Variants in RBM6 observed in about 807,000 individuals in gnomAD.
The protein encoded by RBM6 is RNA binding motif protein 6.
RBM6 carries 23 observed loss-of-function variants against 140.4 expected under a neutral mutation model. That is an observed-to-expected ratio of 0.16 (90% CI 0.12 to 0.23). RBM6 has a LOEUF of 0.23. RBM6 is among the 10% of genes least tolerant of loss of function. The pLI, the probability that RBM6 is intolerant of heterozygous loss-of-function variation, is 1.00. For synonymous variants in RBM6, 439 were observed against 475.6 expected, an observed-to-expected ratio of 0.92 and a Z score of 1.00; for missense variants, 1,139 against 1,386.7, an observed-to-expected ratio of 0.82 and a Z score of 2.84.
At chr3:49,949,113 G>A (rs1397835135) in intron 1 of RBM6, among the ~76,000 whole-genome samples, 2 of 151,640 alleles carry the variant, frequency 1.3e-5, no homozygotes, top group East Asian at 3.9e-4. Context: ...ACAGGTGTGA[G>A]CCACCACGCC....
intron 1 of RBM6, among the ~76,000 whole-genome samples, chr3:49,958,992 A>G (rs932763342): frequency 7.9e-5 from 12 of 151,718 alleles, no homozygotes; most frequent in Admixed American, 7.9e-4. Flanking sequence ...GACGGGTTTC[A>G]CCATCTTGGC....
Position 50,066,501 on chromosome 3 carries a change from A to G in RBM6, c.2942A>G (p.Lys981Arg). 6.2e-7 allele frequency: 1 copy of G among 1,612,940 alleles called. No individual in the cohort carries two copies. ...IKHQQLSDLH[K>R]QNLEIHRKIK... ...CACCAGCAGCTGTCAGACCTGCACAAGGTATTAGGGGAAGGAGCTATGCCC... is the reference window on the plus strand; with the variant it reads ...CACCAGCAGCTGTCAGACCTGCACAGGGTATTAGGGGAAGGAGCTATGCCC... Residue 981 changes from lysine to arginine, a missense_variant and splice_region_variant, in exon 17 of 21, where the codon AAG becomes AGG. Transcript: ENST00000266022.
At chr3:49,969,255 C>T (rs982460529) in intron 3 of RBM6, among the ~76,000 whole-genome samples, 1 of 149,698 alleles carries the variant, frequency 6.7e-6, no homozygotes, top group East Asian at 2.0e-4. Flanking sequence ...GAACTCCTGA[C>T]CTCGTGATCC....
At chr3:49,992,945 T>C (rs1329616414) in intron 5 of RBM6, among the ~76,000 whole-genome samples, 5 of 152,228 alleles carry the variant, frequency 3.3e-5, no homozygotes, top group African/African-American at 1.2e-4. Flanking sequence ...GATTGTTGCT[T>C]TGCAGATTGA....
chr3:49,941,351 C>A (rs1297873189), intron 1 of RBM6, among the ~76,000 whole-genome samples: 1 of 152,066 alleles, frequency 6.6e-6, no homozygotes, highest in African/African-American at 2.4e-5. Flanking sequence ...AGTTGTAGCA[C>A]CTTTCCTTAT....
intron 19 of RBM6, 53 bp from the exon 20 acceptor site, chr3:50,075,148 C>T: frequency 6.3e-7 from 1 of 1,589,470 alleles, no homozygotes. Flanking sequence ...AAGAGTGAAA[C>T]TCCGTCTCAA....
chr3:50,021,469 G>A (rs1331410345), intron 6 of RBM6, among the ~76,000 whole-genome samples: 1 of 151,858 alleles, frequency 6.6e-6, no homozygotes, highest in Non-Finnish European at 1.5e-5. Context: ...TTGAAACCCC[G>A]TCTCTACTAA....
At chr3:50,063,570 A>T (rs565519013) in intron 15 of RBM6, among the ~76,000 whole-genome samples, 1 of 151,044 alleles carries the variant, frequency 6.6e-6, no homozygotes, top group East Asian at 2.0e-4. Context: ...GCACTCCAGC[A>T]TGGACAACAG....
chr3:50,011,988 A>G (rs1026574754), intron 6 of RBM6, among the ~76,000 whole-genome samples: 2 of 152,060 alleles, frequency 1.3e-5, no homozygotes, highest in African/African-American at 4.8e-5. Flanking sequence ...AGTAGCTGGA[A>G]CTATAAGTTG....
At chr3:50,032,157 G>T (rs900460923) in intron 6 of RBM6, among the ~76,000 whole-genome samples, 3 of 152,108 alleles carry the variant, frequency 2.0e-5, no homozygotes, top group Non-Finnish European at 4.4e-5. Context: ...GGTAAAGAGA[G>T]CAGATAGGCA....
chr3:50,070,086 G>T (rs1335135854), intron 18 of RBM6, among the ~76,000 whole-genome samples: 1 of 152,200 alleles, frequency 6.6e-6, no homozygotes, highest in Non-Finnish European at 1.5e-5. Context: ...GCCGGGTGCG[G>T]TGGCTCACAC....
Position 50,066,248 on chromosome 3 carries a change from G to A in RBM6, c.2689G>A (p.Val897Met). The change falls in exon 17 of 21, where the codon GTG becomes ATG. Residue 897 changes from valine (V) to methionine (M), a missense_variant. This residue lies in a region of RBM6 where 163 missense variants were observed against 182.8 expected (regional missense o/e 0.89). Coordinates refer to ENST00000266022, the MANE Select transcript of RBM6 (RefSeq NM_005777.3). ...CCTGGCCTTCTCCTTCCAGCCTAAAGTGGTAAACCCACTGATCGGCCTCTT... is the reference window on the plus strand; with the variant it reads ...CCTGGCCTTCTCCTTCCAGCCTAAAATGGTAAACCCACTGATCGGCCTCTT... ...KKEESPPPPK[V>M]VNPLIGLLGE... The A allele has an allele frequency of 6.2e-7, 1 of 1,613,426 alleles. No homozygotes were observed. The highest frequency in any genetic ancestry group is 8.5e-7 in the Non-Finnish European group (1 of 1,179,604).
chr3:49,977,418 T>C (rs2085108320), intron 5 of RBM6, among the ~76,000 whole-genome samples: 1 of 152,240 alleles, frequency 6.6e-6, no homozygotes, highest in Non-Finnish European at 1.5e-5. Flanking sequence ...TTTGGATCTA[T>C]CACTGATTGG....
intron 11 of RBM6, among the ~76,000 whole-genome samples, chr3:50,060,125 T>C (rs146533046): frequency 2.0e-5 from 3 of 152,202 alleles, no homozygotes; most frequent in Non-Finnish European, 4.4e-5. Flanking sequence ...ATAACCACTG[T>C]ACTCTACCCT....
intron 6 of RBM6, among the ~76,000 whole-genome samples, chr3:50,018,552 A>G (rs2087294897): frequency 1.4e-5 from 2 of 142,202 alleles, no homozygotes; most frequent in Admixed American, 1.4e-4. Flanking sequence ...TACAAGGGGC[A>G]TGATTACTGG....
At chr3:49,954,981 G>T (rs1368505762) in intron 1 of RBM6, among the ~76,000 whole-genome samples, 1 of 151,648 alleles carries the variant, frequency 6.6e-6, no homozygotes, top group African/African-American at 2.4e-5. Flanking sequence ...GGATGGCCTC[G>T]ATCTCCTGAC....
In RBM6 at chr3:49,968,634, C is replaced by T. The variant is rs1385250417; in HGVS notation, c.1209C>T (p.Ser403=). The T allele has an allele frequency of 6.2e-7, 1 of 1,614,154 alleles. No individual in the cohort carries two copies. Among genetic ancestry groups the T allele is most frequent in the Non-Finnish European group, 8.5e-7 (1 of 1,180,036 alleles). The change falls in exon 3 of 21, where the codon AGC becomes AGT. Residue 403 remains serine, a synonymous_variant. Transcript: ENST00000266022. ...GGCGGCAAGACACCGATTACAGAAG[C>T]ATGGAGTACCGTGATGTGGATCATA... ...FLGRQDTDYR[S]MEYRDVDHRL...
Position 50,014,917 on chromosome 3 carries a change from C to T in RBM6, c.1557+15404C>T, listed in dbSNP as rs7630577. ...TACAAAAATTAGCCAGGCATGGTGG[C>T]GTACACCTGCAGTCCCAGCTACTCA... On this transcript the variant is annotated intron_variant, in intron 6 of 20. Coordinates refer to ENST00000266022, the MANE Select transcript of RBM6 (RefSeq NM_005777.3). Among the ~76,000 whole-genome samples, 849 of 151,770 alleles carry T rather than the reference C, an allele frequency of 5.6e-3. 6 individuals are homozygous for T. Among genetic ancestry groups the T allele is most frequent in the African/African-American group, 0.016 (682 of 41,416 alleles).
intron 5 of RBM6, among the ~76,000 whole-genome samples, chr3:49,998,705 A>G (rs1437721864): frequency 6.6e-6 from 1 of 152,254 alleles, no homozygotes; most frequent in East Asian, 1.9e-4. Context: ...ATTGATTGCT[A>G]ACAACTGCTG....
Sources: allele counts gnomAD v4.1 joint callset (sites outside exome capture counted in the v4.1 genomes callset), GRCh38; gene constraint gnomAD v4.1.1; regional missense constraint gnomAD v4.1.1; transcripts MANE v1.5; gene names NCBI Gene and HGNC (gene_info 2026-07-23, HGNC 2026-07-21).